Variants in OLA1 observed in about 807,000 individuals in gnomAD.
OLA1 encodes Obg like ATPase 1.
A neutral mutation model predicts 48.4 loss-of-function variants in OLA1; 14 were observed. The observed-to-expected ratio is 0.29, with a 90% CI of 0.19 to 0.45. The LOEUF is 0.45. Among genes scored for constraint, OLA1 ranks in the 20% least tolerant of loss-of-function variants. OLA1 has a pLI of 1.00. For missense variants in OLA1, 325 were observed against 467.1 expected, an observed-to-expected ratio of 0.70 and a Z score of 2.80; for synonymous variants, 127 against 150.4, an observed-to-expected ratio of 0.84 and a Z score of 1.14.
intron 4 of OLA1, among the ~76,000 whole-genome samples, chr2:174,194,120 G>A (rs1365258448): frequency 1.3e-5 from 2 of 152,136 alleles, no homozygotes; most frequent in East Asian, 1.9e-4. Context: ...GGCTTTTGTT[G>A]TATAGTGGAG....
chr2:174,209,606 T>C (rs1041465875), intron 4 of OLA1, among the ~76,000 whole-genome samples: 2 of 151,838 alleles, frequency 1.3e-5, no homozygotes, highest in Admixed American at 6.6e-5. Flanking sequence ...CAATTTAAGA[T>C]AAGGAGATTC....
chr2:174,239,252 A>G (rs938405155), intron 2 of OLA1, among the ~76,000 whole-genome samples: 26 of 152,224 alleles, frequency 1.7e-4, no homozygotes, highest in African/African-American at 6.0e-4. Flanking sequence ...CAAAATTTCA[A>G]AGGACCCCCT....
chr2:174,129,651 C>G (rs576688552), intron 5 of OLA1, among the ~76,000 whole-genome samples: 50 of 152,052 alleles, frequency 3.3e-4, no homozygotes, highest in African/African-American at 1.1e-3. Context: ...AGATGCCAGA[C>G]AGCTTTTCCC....
At chr2:174,092,360 G>A (rs1035378725) in intron 7 of OLA1, among the ~76,000 whole-genome samples, 1 of 151,954 alleles carries the variant, frequency 6.6e-6, no homozygotes, top group Non-Finnish European at 1.5e-5. Context: ...AAAAAGACTA[G>A]GTAAAAGAAC....
At chr2:174,101,641 G>A (rs572697735) in intron 7 of OLA1, among the ~76,000 whole-genome samples, 1 of 152,344 alleles carries the variant, frequency 6.6e-6, no homozygotes, top group East Asian at 1.9e-4. Context: ...AAATGGCAGA[G>A]TGGAAGTGTT....
At chr2:174,165,061 C>T (rs1687129022) in intron 4 of OLA1, among the ~76,000 whole-genome samples, 1 of 152,178 alleles carries the variant, frequency 6.6e-6, no homozygotes, top group Non-Finnish European at 1.5e-5. Context: ...AGTTCTGAGT[C>T]AGTGCACTGA....
chr2:174,094,794 T>C (rs754913057), intron 7 of OLA1, among the ~76,000 whole-genome samples: 10 of 152,196 alleles, frequency 6.6e-5, no homozygotes, highest in Non-Finnish European at 1.5e-4. Flanking sequence ...TAAAACTCTA[T>C]AGCCATTGAA....
intron 4 of OLA1, among the ~76,000 whole-genome samples, chr2:174,202,269 A>G (rs1688006782): frequency 6.6e-6 from 1 of 152,210 alleles, no homozygotes; most frequent in Admixed American, 6.5e-5. Context: ...AAACATAAAG[A>G]TGCAGTATGA....
At chr2:174,079,255 T>C (rs1170037253) in intron 9 of OLA1, 165 bp from the exon 10 acceptor site, 1 of 506,836 alleles carries the variant, frequency 2.0e-6, no homozygotes, top group Non-Finnish European at 3.4e-6. Context: ...GGGTAGTATC[T>C]GTGCAGCAGA....
intron 7 of OLA1, among the ~76,000 whole-genome samples, chr2:174,122,575 G>T (rs772016019): frequency 1.3e-5 from 2 of 152,246 alleles, no homozygotes; most frequent in Non-Finnish European, 2.9e-5. Flanking sequence ...ATGCCCACAG[G>T]TACATGAACA....
At chr2:174,231,030 C>T (rs1688718090) in intron 2 of OLA1, among the ~76,000 whole-genome samples, 2 of 152,148 alleles carry the variant, frequency 1.3e-5, no homozygotes, top group African/African-American at 4.8e-5. Flanking sequence ...AGAAAGAAAC[C>T]AGCAAAACAT....
chr2:174,186,880 A>G (rs890659632), intron 4 of OLA1, among the ~76,000 whole-genome samples: 1 of 152,188 alleles, frequency 6.6e-6, no homozygotes, highest in African/African-American at 2.4e-5. Context: ...TCCACCATAT[A>G]AGACATGAAG....
chr2:174,153,621 A>T (rs571275070), intron 4 of OLA1, among the ~76,000 whole-genome samples: 1 of 152,328 alleles, frequency 6.6e-6, no homozygotes, highest in South Asian at 2.1e-4. Context: ...ACCATTAAAG[A>T]ATCCTTAAAG....
chr2:174,170,554 G>A (rs2105405228), intron 4 of OLA1, among the ~76,000 whole-genome samples: 1 of 152,222 alleles, frequency 6.6e-6, no homozygotes, highest in South Asian at 2.1e-4. Flanking sequence ...TATCAGAATT[G>A]ATAATAAAAT....
intron 4 of OLA1, among the ~76,000 whole-genome samples, chr2:174,219,529 A>C (rs557508260): frequency 6.1e-4 from 89 of 145,834 alleles, no homozygotes; most frequent in Non-Finnish European, 1.2e-3. Flanking sequence ...TCACAGGCTC[A>C]AGCAGCCCTC....
chr2:174,208,673 C>T (rs1404715934), intron 4 of OLA1, among the ~76,000 whole-genome samples: 1 of 152,120 alleles, frequency 6.6e-6, no homozygotes, highest in Non-Finnish European at 1.5e-5. Flanking sequence ...CAAAGCTCTC[C>T]CACCAAACCT....
chr2:174,141,730 T>C (rs1026040374), intron 5 of OLA1, 95 bp downstream of exon 5: 16 of 958,894 alleles, frequency 1.7e-5, no homozygotes, highest in Non-Finnish European at 2.4e-5. Flanking sequence ...TAAAATTCCA[T>C]AACAATATTA....
chr2:174,226,674 T>C lies in OLA1; in HGVS notation c.245+2634A>G, dbSNP rs148974516. On this transcript the variant is annotated intron_variant, in intron 3 of 10. Transcript: ENST00000284719. ...GCCACCACGTCCGGCTACTTTTGTATTTTTAGTAGAAATGGGGTTTCTCCA... is the reference window on the plus strand; with the variant it reads ...GCCACCACGTCCGGCTACTTTTGTACTTTTAGTAGAAATGGGGTTTCTCCA... Among the ~76,000 whole-genome samples the C allele has an allele frequency of 6.0e-3, 907 of 152,234 alleles. 10 individuals are homozygous for C. In the Middle Eastern group the frequency reaches 0.061, roughly 10 times the overall value.
intron 7 of OLA1, among the ~76,000 whole-genome samples, chr2:174,103,062 G>A (rs768606354): frequency 1.3e-5 from 2 of 152,072 alleles, no homozygotes; most frequent in East Asian, 1.9e-4. Context: ...TTCTAAGATC[G>A]GAGAAATAAC....
Sources: gnomAD v4.1 joint callset for allele counts (sites outside exome capture counted in the v4.1 genomes callset) on GRCh38, gnomAD v4.1.1 for gene constraint, MANE v1.5 for transcripts, NCBI Gene and HGNC (gene_info 2026-07-23, HGNC 2026-07-21) for gene names.